Variants in TRPM6 observed in about 807,000 individuals in gnomAD.
TRPM6 encodes transient receptor potential cation channel subfamily M member 6.
A neutral mutation model predicts 247.6 loss-of-function variants in TRPM6; 111 were observed. The ratio of observed to expected loss-of-function variants is 0.45; its 90% confidence interval spans 0.38 to 0.52. The LOEUF (loss-of-function observed/expected upper bound fraction) is 0.52. Ranked by LOEUF, TRPM6 falls within the 20% of genes least tolerant of loss-of-function variation. The pLI is 0.00. For missense variants in TRPM6, 2,126 were observed against 2,421.5 expected, an observed-to-expected ratio of 0.88 and a Z score of 2.56; for synonymous variants, 892 against 853.8, an observed-to-expected ratio of 1.04 and a Z score of -0.78.
chr9:74,829,103 G>T (rs1564033689), intron 6 of TRPM6, among the ~76,000 whole-genome samples: 1 of 151,996 alleles, frequency 6.6e-6, no homozygotes. Context: ...GACCAGCCTG[G>T]CCAACATGGT....
intron 12 of TRPM6, among the ~76,000 whole-genome samples, chr9:74,811,710 C>A (rs985866038): frequency 6.6e-6 from 1 of 152,188 alleles, no homozygotes; most frequent in African/African-American, 2.4e-5. Context: ...TATAAACTAT[C>A]TTTGTACAAG....
chr9:74,813,061 T>C lies in TRPM6; in HGVS notation c.1309-628A>G, dbSNP rs552772383. On this transcript the variant is annotated intron_variant, in intron 11 of 38. Transcript: ENST00000360774. ...ATGTACAGGCTTAATGCAATTCTGATAGACATTCAAGGTTTCTTCTTCTTC... is the reference window on the plus strand; with the variant it reads ...ATGTACAGGCTTAATGCAATTCTGACAGACATTCAAGGTTTCTTCTTCTTC... Among the ~76,000 whole-genome samples the C allele has an allele frequency of 2.0e-5, 3 of 152,378 alleles. No homozygotes were observed. In the East Asian group the frequency reaches 5.8e-4, roughly 29 times the overall value.
At chr9:74,858,059 G>A (rs1412127999) in intron 2 of TRPM6, among the ~76,000 whole-genome samples, 1 of 152,136 alleles carries the variant, frequency 6.6e-6, no homozygotes, top group African/African-American at 2.4e-5. Flanking sequence ...AACAGTGACG[G>A]CATTAAGAAT....
At chr9:74,819,310 A>G (rs887399764) in intron 9 of TRPM6, among the ~76,000 whole-genome samples, 2 of 146,874 alleles carry the variant, frequency 1.4e-5, no homozygotes, top group Non-Finnish European at 3.0e-5. Context: ...CCCTGTCTCA[A>G]AAAAAAAAAA....
chr9:74,795,383 AAGATTCTACATGATCT>A (rs1828054604), intron 18 of TRPM6, among the ~76,000 whole-genome samples: 1 of 152,220 alleles, frequency 6.6e-6, no homozygotes, highest in Admixed American at 6.5e-5. Flanking sequence ...CAGGATATAC[AAGATTCTACATGATCT>A]AGCCTCAATC....
Position 74,842,305 on chromosome 9 carries a change from A to G in TRPM6, c.191T>C (p.Ile64Thr). 1 of 1,614,174 alleles carries G rather than the reference A, an allele frequency of 6.2e-7. No individual in the cohort carries two copies. The highest frequency in any genetic ancestry group is 1.3e-5 in the African/African-American group (1 of 75,028). Residue 64 changes from isoleucine to threonine, a missense_variant, in exon 4 of 39, where the codon ATA (isoleucine) becomes ACA (threonine). Ile to Thr is a moderately conservative substitution (Grantham distance 89). Around this residue, in one of 3 missense-constraint regions of TRPM6, gnomAD observed 1,082 missense variants for 1,307.9 expected, o/e 0.83. Coordinates refer to ENST00000360774, the MANE Select transcript of TRPM6 (RefSeq NM_017662.5). ...AGCTGAGATGGTCCAGGAATAATCT[A>G]TCCCAGCATGGTCTCCAATCAGTCG... ...CGRLIGDHAG[I>T]DYSWTISAAK...
At chr9:74,887,315 C>G (rs1051001946) in intron 1 of TRPM6, 3 of 1,378,972 alleles carry the variant, frequency 2.2e-6, no homozygotes, top group Non-Finnish European at 9.3e-7. Context: ...GAGGGACGGC[C>G]GTCTGGGCAC....
At chr9:74,827,050 T>C (rs1829361553) in intron 7 of TRPM6, 1 of 152,536 alleles carries the variant, frequency 6.6e-6, no homozygotes, top group Non-Finnish European at 1.5e-5. Context: ...AAGGTCCCTA[T>C]TTCTAAAAAT....
rs369872410 is a variant in TRPM6, at chr9:74,751,932, G to A, written c.4998+345C>T. 7.9e-5 allele frequency among the ~76,000 whole-genome samples: 12 copies of A among 152,298 alleles called. No homozygotes were observed. In the East Asian group the frequency reaches 2.3e-3, roughly 29 times the overall value. ...TTGATTCTAGATCTACCTCTTAAAA[G>A]TGTATAGAAAATAGCTTATTTTTCT... On this transcript the variant is annotated intron_variant, in intron 29 of 38. Transcript: ENST00000360774.
At chr9:74,800,196 T>C in intron 17 of TRPM6, 58 bp downstream of exon 17, 38 of 1,492,200 alleles carry the variant, frequency 2.5e-5, no homozygotes, top group Non-Finnish European at 3.4e-5. Flanking sequence ...GTAACTCGAG[T>C]ACAGAATTTT....
intron 1 of TRPM6, among the ~76,000 whole-genome samples, chr9:74,868,024 C>G (rs1830906982): frequency 6.6e-6 from 1 of 151,018 alleles, no homozygotes; most frequent in Admixed American, 6.6e-5. Context: ...CATGGTGGCA[C>G]AGGCCTGTAA....
chr9:74,763,064 A>G lies in TRPM6; in HGVS notation c.3607T>C (p.Ser1203Pro). 3 of 1,614,126 alleles carry G rather than the reference A, an allele frequency of 1.9e-6. No individual in the cohort carries two copies. Among genetic ancestry groups the G allele is most frequent in the Non-Finnish European group, 1.7e-6 (2 of 1,180,010 alleles). ...KVSFIKDSLL[S>P]LDSQVGHLQD... ...AGGTGTCCCACCTGGCTGTCCAAAG[A>G]CAGTAAGGAGTCCTTTATAAAAGAC... The change falls in exon 26 of 39, where the codon TCT becomes CCT. Residue 1203 changes from serine (S) to proline (P), a missense_variant. By Grantham distance (74) the Ser-to-Pro change is moderately conservative (BLOSUM62 -1). Transcript: ENST00000360774.
intron 2 of TRPM6, among the ~76,000 whole-genome samples, chr9:74,858,005 A>G (rs937614651): frequency 2.0e-5 from 3 of 152,232 alleles, no homozygotes; most frequent in African/African-American, 7.2e-5. Flanking sequence ...CCTCCCATCA[A>G]GAGGAACAGA....
chr9:74,843,733 T>G (rs753845686), intron 3 of TRPM6, among the ~76,000 whole-genome samples: 79 of 146,312 alleles, frequency 5.4e-4, no homozygotes, highest in Non-Finnish European at 8.2e-4. Flanking sequence ...GAAAATGGCA[T>G]GAACCCAGGA....
chr9:74,785,713 CG>C (rs1333217425), intron 21 of TRPM6, among the ~76,000 whole-genome samples, 160 bp downstream of exon 21: 1 of 152,028 alleles, frequency 6.6e-6, no homozygotes, highest in African/African-American at 2.4e-5. Context: ...TTAGTAGAGA[CG>C]GGGTTTCACC....
rs569674151 is a variant in TRPM6 at position 74,845,646 on chromosome 9, C to T, written c.153-3303G>A. ...AAGAGTTCATGACCAGCCTGGGCAACATAGCAAAACCCTGTCTCTACAAAA... is the reference window on the plus strand; with the variant it reads ...AAGAGTTCATGACCAGCCTGGGCAATATAGCAAAACCCTGTCTCTACAAAA... On this transcript the variant is annotated intron_variant, in intron 3 of 38. Transcript: ENST00000360774. 2.0e-5 allele frequency among the ~76,000 whole-genome samples: 3 copies of T among 152,190 alleles called. No individual in the cohort carries two copies. The South Asian group carries it at 6.2e-4, about 32-fold the overall frequency.
At chr9:74,770,506 C>T (rs1228421229) in intron 25 of TRPM6, among the ~76,000 whole-genome samples, 3 of 152,148 alleles carry the variant, frequency 2.0e-5, no homozygotes, top group African/African-American at 7.2e-5. Flanking sequence ...ATTATAGCTT[C>T]CTAATATGTT....
intron 28 of TRPM6, among the ~76,000 whole-genome samples, 200 bp from the exon 29 acceptor site, chr9:74,752,568 A>G (rs1307717341): frequency 3.9e-5 from 6 of 152,100 alleles, no homozygotes; most frequent in Non-Finnish European, 8.8e-5. Context: ...TTCTATTTCT[A>G]TTCTTCTATA....
chr9:74,777,487 G>A (rs1827264936), intron 23 of TRPM6, among the ~76,000 whole-genome samples: 1 of 152,168 alleles, frequency 6.6e-6, no homozygotes, highest in Admixed American at 6.5e-5. Flanking sequence ...TGTTGGCCAG[G>A]AGGCTCACAA....
Sources: gnomAD v4.1 joint callset for allele counts (sites outside exome capture counted in the v4.1 genomes callset) on GRCh38, gnomAD v4.1.1 for gene constraint, gnomAD v4.1.1 regional missense constraint, MANE v1.5 for transcripts, NCBI Gene and HGNC (gene_info 2026-07-23, HGNC 2026-07-21) for gene names.